The following EPHX2 variants were observed in gnomAD, a reference collection of about 807,000 sequenced individuals.
The protein encoded by EPHX2 is bifunctional epoxide hydrolase 2.
In EPHX2, 74 loss-of-function variants were observed where a neutral mutation model predicts 78.7. That is an observed-to-expected ratio of 0.94 (90% CI 0.78 to 1.14). The LOEUF is 1.14. Among genes scored for constraint, EPHX2 ranks in the 50% most tolerant of loss-of-function variants. EPHX2 has a pLI of 0.00. For synonymous variants in EPHX2, 251 were observed against 255.2 expected (o/e 0.98, Z 0.16); for missense variants, 715 against 702.5 (o/e 1.02, Z -0.20).
At chr8:27,503,570 CCATA>C in intron 2 of EPHX2, 30 bp from the exon 3 acceptor site, 3 of 1,575,998 alleles carry the variant, frequency 1.9e-6, no homozygotes, top group East Asian at 2.3e-5. Flanking sequence ...TTCTGAGTGG[CCATA>C]CAAATTGTCC....
At chr8:27,517,500 A>G (rs1186446950) in intron 8 of EPHX2, among the ~76,000 whole-genome samples, 1 of 152,262 alleles carries the variant, frequency 6.6e-6, no homozygotes, top group African/African-American at 2.4e-5. Context: ...ACTACATTAT[A>G]AGTCTATAGT....
At chr8:27,525,117 C>T (rs1045494486) in intron 11 of EPHX2, among the ~76,000 whole-genome samples, 8 of 150,174 alleles carry the variant, frequency 5.3e-5, no homozygotes, top group African/African-American at 7.4e-5. Context: ...TGCGCGCGCG[C>T]GCGCGCACCT....
In EPHX2 at chr8:27,515,777, T is replaced by C. The variant is rs113414807; in HGVS notation, c.795T>C (p.His265=). 1 of 1,613,978 alleles carries C rather than the reference T, an allele frequency of 6.2e-7. No homozygotes were observed. Among genetic ancestry groups the C allele is most frequent in the African/African-American group, 1.3e-5 (1 of 74,920 alleles). ...LGSGPAVCLC[H]GFPESWYSWR... is the part of the protein sequence containing the mutation. ...CCGGCCCTGCTGTGTGCCTCTGCCATGGATTTCCCGAGAGTTGGTATTCTT... is the reference window on the plus strand; with the variant it reads ...CCGGCCCTGCTGTGTGCCTCTGCCACGGATTTCCCGAGAGTTGGTATTCTT... Residue 265 remains histidine, a synonymous_variant, in exon 7 of 19, where the codon CAT becomes CAC. Coordinates refer to ENST00000521400, the MANE Select transcript of EPHX2 (RefSeq NM_001979.6).
At position 27,491,214 on chromosome 8, in the gene EPHX2, G is replaced by A; in HGVS notation, c.6G>A (p.Thr2=). M[T]LRAAVFDLDG... is the part of the protein sequence containing the mutation. ...TAGGCTGCAGACCCGCCGCCATGAC[G>A]CTGCGCGCGGCCGTCTTCGACCTTG... The change falls in exon 1 of 19, where the codon ACG becomes ACA. Residue 2 remains threonine (T), a synonymous_variant. Transcript: ENST00000521400. 3 of 1,581,306 alleles carry A rather than the reference G, an allele frequency of 1.9e-6. No individual in the cohort carries two copies. Among genetic ancestry groups the A allele is most frequent in the Non-Finnish European group, 2.6e-6 (3 of 1,172,496 alleles).
chr8:27,493,994 C>T (rs144993390), intron 1 of EPHX2, among the ~76,000 whole-genome samples: 128 of 152,096 alleles, frequency 8.4e-4, no homozygotes, highest in African/African-American at 3.0e-3. Flanking sequence ...GTGGTGGGGG[C>T]GCTGCTGCAG....
intron 3 of EPHX2, among the ~76,000 whole-genome samples, 169 bp from the exon 4 acceptor site, chr8:27,504,787 A>G (rs975812481): frequency 1.5e-4 from 23 of 152,180 alleles, no homozygotes; most frequent in South Asian, 4.1e-4. Context: ...AGAGGTGTTC[A>G]TGGGTCAAGA....
chr8:27,546,128 CAAAA>C (rs368341959), downstream of EPHX2, among the ~76,000 whole-genome samples: 6 of 86,840 alleles, frequency 6.9e-5, no homozygotes, highest in East Asian at 7.8e-4. Context: ...GACTCCGACT[CAAAA>C]AAAAAAAAAA....
At chr8:27,493,802 T>A (rs1441599010) in intron 1 of EPHX2, among the ~76,000 whole-genome samples, 1 of 152,202 alleles carries the variant, frequency 6.6e-6, no homozygotes, top group African/African-American at 2.4e-5. Flanking sequence ...GAGTTTGTTT[T>A]CATTTTCCCA....
chr8:27,511,887 A>G lies in EPHX2; in HGVS notation c.712A>G (p.Ser238Gly). The G allele has an allele frequency of 6.8e-6, 11 of 1,614,076 alleles. No individual in the cohort carries two copies. Among genetic ancestry groups the G allele is most frequent in the Non-Finnish European group, 9.3e-6 (11 of 1,180,008 alleles). ...LPTSCNPSDM[S>G]HGYVTVKPRV... ...GACCTCTTGCAATCCAAGTGACATG[A>G]GCCATGGGTACGTGACAGTAAAGGT... The change falls in exon 6 of 19, where the codon AGC (serine) becomes GGC (glycine). Residue 238 changes from serine to glycine, a missense_variant. Transcript: ENST00000521400.
chr8:27,492,551 G>A (rs114854035), intron 1 of EPHX2, among the ~76,000 whole-genome samples: 7 of 152,258 alleles, frequency 4.6e-5, no homozygotes, highest in African/African-American at 1.7e-4. Flanking sequence ...CGTAAAGATG[G>A]CGCAGACCCA....
downstream of EPHX2, among the ~76,000 whole-genome samples, chr8:27,546,034 G>A (rs910393904): frequency 6.6e-6 from 1 of 151,382 alleles, no homozygotes; most frequent in Non-Finnish European, 1.5e-5. Flanking sequence ...TCAGAAGCAG[G>A]CTTTCTGGCT....
At chr8:27,535,862 C>T (rs1815194421) in intron 12 of EPHX2, among the ~76,000 whole-genome samples, 1 of 152,192 alleles carries the variant, frequency 6.6e-6, no homozygotes, top group Admixed American at 6.5e-5. Context: ...GGACACTTCA[C>T]TTTAGTCCTC....
At chr8:27,512,431 G>A (rs1022462996) in intron 6 of EPHX2, among the ~76,000 whole-genome samples, 2 of 152,230 alleles carry the variant, frequency 1.3e-5, no homozygotes, top group Admixed American at 6.5e-5. Context: ...GTGCAGTGAC[G>A]ATCAAGACAG....
At chr8:27,536,961 C>CT in intron 13 of EPHX2, 106 bp downstream of exon 13, 1 of 1,193,816 alleles carries the variant, frequency 8.4e-7, no homozygotes, top group Non-Finnish European at 1.2e-6. Context: ...GCCTCCTTTT[C>CT]TTTCATTTCT....
In EPHX2 at chr8:27,515,698, C is replaced by G. The variant is rs1415018690; in HGVS notation, c.736-20C>G. On this transcript the variant is annotated intron_variant, in intron 6 of 18. Transcript: ENST00000521400. ...GGGCCTGGTGCTTGGTCGCTGCCCT[C>G]TCCTCTTTCCCTTCCACAGCCCAGG... 6.2e-7 allele frequency: 1 copy of G among 1,611,304 alleles called. No individual in the cohort carries two copies. The highest frequency in any genetic ancestry group is 8.5e-7 in the Non-Finnish European group (1 of 1,178,428).
chr8:27,530,042 T>C (rs1187523876), intron 12 of EPHX2, among the ~76,000 whole-genome samples: 1 of 151,368 alleles, frequency 6.6e-6, no homozygotes, highest in African/African-American at 2.4e-5. Flanking sequence ...ATTTTCTTTC[T>C]CCTCAAAACA....
intron 15 of EPHX2, 108 bp from the exon 16 acceptor site, chr8:27,541,365 T>C (rs1815394361): frequency 5.0e-6 from 6 of 1,198,198 alleles, no homozygotes; most frequent in Non-Finnish European, 7.3e-6. Context: ...TGCAGGAGGC[T>C]TTGCTCTTCC....
chr8:27,506,600 G>A (rs1814014036), intron 4 of EPHX2, among the ~76,000 whole-genome samples: 1 of 152,120 alleles, frequency 6.6e-6, no homozygotes, highest in South Asian at 2.1e-4. Context: ...TATGCCTGTT[G>A]ATTTTCCCAG....
intron 9 of EPHX2, among the ~76,000 whole-genome samples, chr8:27,518,511 A>G (rs561582657): frequency 5.9e-5 from 9 of 152,338 alleles, no homozygotes; most frequent in African/African-American, 2.2e-4. Context: ...ACCATCCTGG[A>G]GAGGGGCCCC....
Sources: gnomAD v4.1 joint callset for allele counts (sites outside exome capture counted in the v4.1 genomes callset) on GRCh38, gnomAD v4.1.1 for gene constraint, MANE v1.5 for transcripts, NCBI Gene and HGNC (gene_info 2026-07-23, HGNC 2026-07-21) for gene names.